TNKS2: variants seen among roughly 807,000 people sequenced by gnomAD.
The protein encoded by TNKS2 is poly [ADP-ribose] polymerase tankyrase-2.
In TNKS2, 72 loss-of-function variants were observed where a neutral mutation model predicts 137.6. The ratio of observed to expected loss-of-function variants is 0.52; its 90% CI spans 0.43 to 0.64. The LOEUF is 0.64. TNKS2 is among the 30% of genes least tolerant of loss of function. The probability of loss-of-function intolerance (pLI) is 0.00; values close to 1 mark genes in which losing one functional copy is unlikely to be tolerated. For synonymous variants in TNKS2, 516 were observed against 512.1 expected, an observed-to-expected ratio of 1.01 and a Z score of -0.10; for missense variants, 1,049 against 1,410.2, an observed-to-expected ratio of 0.74 and a Z score of 4.10.
At position 91,818,554 on chromosome 10, in the gene TNKS2, C is replaced by T. The variant is rs540727462; in HGVS notation, c.521-716C>T. Among the ~76,000 whole-genome samples the T allele has an allele frequency of 7.2e-5, 11 of 151,960 alleles. 1 individual carries two copies. In the South Asian group the frequency reaches 2.1e-3, roughly 29 times the overall value. On this transcript the variant is annotated intron_variant, in intron 3 of 26. Coordinates refer to ENST00000371627, the MANE Select transcript of TNKS2 (RefSeq NM_025235.4). Reference sequence around the variant, plus strand: ...TGTATGTGTGTGCATGTGTGTGTATCAAGGCCTCACTCTGTCGCCCAGGCT... The same window carrying T: ...TGTATGTGTGTGCATGTGTGTGTATTAAGGCCTCACTCTGTCGCCCAGGCT...
At chr10:91,807,254 A>C in intron 1 of TNKS2, 2 of 1,609,526 alleles carry the variant, frequency 1.2e-6, no homozygotes, top group Non-Finnish European at 1.7e-6. Flanking sequence ...GGAATTTCTC[A>C]ATCTTCTTTA....
At chr10:91,812,802 C>G in intron 1 of TNKS2, 181 bp from the exon 2 acceptor site, 1 of 985,204 alleles carries the variant, frequency 1.0e-6, no homozygotes, top group South Asian at 4.7e-5. Flanking sequence ...GAGAGTCCCT[C>G]TGGCTTTATC....
chr10:91,842,142 C>A (rs200034985), intron 15 of TNKS2, 30 bp from the exon 16 acceptor site: 3 of 1,519,594 alleles, frequency 2.0e-6, no homozygotes, highest in East Asian at 4.5e-5. Flanking sequence ...AAGCCATTTC[C>A]CCCTTTTTTT....
At chr10:91,800,495 T>G (rs534699628) in intron 1 of TNKS2, among the ~76,000 whole-genome samples, 24 of 152,226 alleles carry the variant, frequency 1.6e-4, no homozygotes, top group Admixed American at 1.6e-3. Context: ...GATTATGTTA[T>G]TAGATCCTCA....
At chr10:91,837,989 A>ATT (rs143159392) in intron 13 of TNKS2, among the ~76,000 whole-genome samples, 4 of 125,500 alleles carry the variant, frequency 3.2e-5, no homozygotes, top group Non-Finnish European at 6.4e-5. Flanking sequence ...TTGTGAACTG[A>ATT]TTTTTTTTTC....
At chr10:91,845,717 A>G (rs1842350583) in intron 17 of TNKS2, 35 bp from the exon 18 acceptor site, 1 of 1,404,894 alleles carries the variant, frequency 7.1e-7, no homozygotes, top group African/African-American at 1.4e-5. Context: ...TGACAAAATA[A>G]TATTTCAGAC....
chr10:91,813,674 G>C (rs910910965), intron 2 of TNKS2, among the ~76,000 whole-genome samples: 2 of 152,330 alleles, frequency 1.3e-5, no homozygotes, highest in Non-Finnish European at 2.9e-5. Context: ...CGTGCAGGCA[G>C]TGTAGAATAT....
Position 91,819,551 on chromosome 10 carries a change from C to G in TNKS2, c.627C>G (p.Gly209=). 6.3e-7 allele frequency: 1 copy of G among 1,588,626 alleles called. No individual in the cohort carries two copies. Among genetic ancestry groups the G allele is most frequent in the Non-Finnish European group, 8.5e-7 (1 of 1,172,778 alleles). ...PLNVNCHASD[G]RKSTPLHLAA... is the part of the protein sequence containing the mutation. ...ATGTCAACTGCCACGCAAGTGATGG[C>G]AGAAAGGTACTTCCTTTTGCAACTG... The change falls in exon 5 of 27, where the codon GGC becomes GGG. Residue 209 remains glycine, a synonymous_variant. Coordinates refer to ENST00000371627, the MANE Select transcript of TNKS2 (RefSeq NM_025235.4).
At position 91,818,355 on chromosome 10, in the gene TNKS2, T is replaced by G. The variant is rs191252175; in HGVS notation, c.521-915T>G. On this transcript the variant is annotated intron_variant, in intron 3 of 26. Transcript: ENST00000371627. ...GTTCATAGTTAATCCTTTTTTATAT[T>G]TGTATATATTTAAAGTAGCATTAAA... 3.3e-4 allele frequency among the ~76,000 whole-genome samples: 51 copies of G among 152,284 alleles called. No individual in the cohort carries two copies. In the East Asian group the frequency reaches 9.3e-3, roughly 28 times the overall value.
chr10:91,819,413 G>A (rs1204240203), intron 4 of TNKS2, 69 bp from the exon 5 acceptor site: 1 of 1,369,078 alleles, frequency 7.3e-7, no homozygotes, highest in Non-Finnish European at 9.7e-7. Flanking sequence ...TTTTTTAATG[G>A]TTACAGTACT....
intron 4 of TNKS2, 79 bp downstream of exon 4, chr10:91,819,385 A>C: frequency 7.1e-7 from 1 of 1,410,186 alleles, no homozygotes; most frequent in South Asian, 1.5e-5. Context: ...TACAGTAAGC[A>C]AACTTTAAAA....
chr10:91,853,905 C>T (rs527293014), intron 21 of TNKS2, among the ~76,000 whole-genome samples: 1 of 152,204 alleles, frequency 6.6e-6, no homozygotes, highest in East Asian at 1.9e-4. Flanking sequence ...GGGAAAACAG[C>T]AGTGTTGGAG....
At chr10:91,800,552 C>T (rs1012312378) in intron 1 of TNKS2, among the ~76,000 whole-genome samples, 1 of 152,114 alleles carries the variant, frequency 6.6e-6, no homozygotes, top group African/African-American at 2.4e-5. Context: ...TCTGTCCCAA[C>T]GTTTCAAAGC....
chr10:91,840,597 A>G lies in TNKS2; in HGVS notation c.1564A>G (p.Ile522Val), dbSNP rs201349109. ...CTVQSVNCRD[I>V]EGRQSTPLHF... ...TGTTCAGAGTGTCAACTGCAGAGAC[A>G]TTGAAGGGCGTCAGTCTACACCACT... Residue 522 changes from isoleucine to valine, a missense_variant, in exon 14 of 27, where the codon ATT (isoleucine) becomes GTT (valine). This residue lies in a region of TNKS2 where 328 missense variants were observed against 436.0 expected (regional missense o/e 0.75). Coordinates refer to ENST00000371627, the MANE Select transcript of TNKS2 (RefSeq NM_025235.4). 1.2e-6 allele frequency: 2 copies of G among 1,614,076 alleles called. No homozygotes were observed. Among genetic ancestry groups the G allele is most frequent in the South Asian group, 1.1e-5 (1 of 91,064 alleles).
Position 91,848,370 on chromosome 10 carries a change from A to C in TNKS2, c.2359-13A>C. On this transcript the variant is annotated splice_polypyrimidine_tract_variant and intron_variant, in intron 18 of 26. Coordinates refer to ENST00000371627, the MANE Select transcript of TNKS2 (RefSeq NM_025235.4). The stretch of plus-strand genomic sequence containing the variant: ...TTGCTTATGGCAGATGTTGTCTCTG[A>C]CACGTACCCTAGGCGGATGATGTCA... The C allele has an allele frequency of 6.8e-6, 11 of 1,610,490 alleles. No individual in the cohort carries two copies. Among genetic ancestry groups the C allele is most frequent in the Non-Finnish European group, 9.3e-6 (11 of 1,177,892 alleles).
intron 7 of TNKS2, among the ~76,000 whole-genome samples, chr10:91,825,650 T>C (rs1021868292): frequency 6.6e-6 from 1 of 152,210 alleles, no homozygotes; most frequent in Non-Finnish European, 1.5e-5. Flanking sequence ...TTGTCAAAAA[T>C]ACTGAAAGAG....
chr10:91,848,555 T>TA lies in TNKS2; in HGVS notation c.2532dup (p.Ser845IlefsTer12). On this transcript the variant is annotated frameshift_variant, in exon 19 of 27. Coordinates refer to ENST00000371627, the MANE Select transcript of TNKS2 (RefSeq NM_025235.4). LOFTEE classifies it high-confidence loss of function. ...TCTGCAGCCAGCAGTCTTGACAACT[T>TA]ATCTGGGAGTTTTTCAGAACTGTCT... 1 of 1,614,134 alleles carries TA rather than the reference T, an allele frequency of 6.2e-7. No individual in the cohort carries two copies. Among genetic ancestry groups the TA allele is most frequent in the Non-Finnish European group, 8.5e-7 (1 of 1,180,028 alleles).
At position 91,803,518 on chromosome 10, in the gene TNKS2, CTG is replaced by C. The variant is rs1237967855; in HGVS notation, c.199+4631_199+4632del. Reference sequence around the variant, plus strand: ...AGTAGCCAGGCATGGTGGTGCAGGCCTGTAGTCCTAGCTACTTGGGAGGCTAA... The same window carrying C: ...AGTAGCCAGGCATGGTGGTGCAGGCCTAGTCCTAGCTACTTGGGAGGCTAA... On this transcript the variant is annotated intron_variant, in intron 1 of 26. Transcript: ENST00000371627. 2.0e-5 allele frequency among the ~76,000 whole-genome samples: 3 copies of C among 152,192 alleles called. No individual in the cohort carries two copies. In the East Asian group the frequency reaches 5.8e-4, roughly 29 times the overall value.
At chr10:91,830,801 T>C in intron 9 of TNKS2, 122 bp from the exon 10 acceptor site, 1 of 842,228 alleles carries the variant, frequency 1.2e-6, no homozygotes, top group East Asian at 2.7e-5. Context: ...AAGAGCAAAG[T>C]TGCGTCAAAA....
Sources: gnomAD v4.1 joint callset for allele counts (sites outside exome capture counted in the v4.1 genomes callset) on GRCh38, gnomAD v4.1.1 for gene constraint, gnomAD v4.1.1 regional missense constraint, MANE v1.5 for transcripts, NCBI Gene and HGNC (gene_info 2026-07-23, HGNC 2026-07-21) for gene names.